FOXK2: variants seen among roughly 807,000 people sequenced by gnomAD.
FOXK2 encodes the protein forkhead box K2, also known as forkhead box protein K2.
Under a neutral mutation model 53.3 loss-of-function variants are expected in FOXK2, and 24 were observed. The observed-to-expected ratio is 0.45, with a 90% CI of 0.33 to 0.63. The LOEUF is 0.63. FOXK2 is among the 30% of genes least tolerant of loss of function. FOXK2 has a pLI of 0.03. For missense variants in FOXK2, 952 were observed against 910.5 expected (o/e 1.05, Z -0.59); for synonymous variants, 505 against 407.1 (o/e 1.24, Z -2.89).
chr17:82,548,828 T>G (rs2044650680), intron 1 of FOXK2, among the ~76,000 whole-genome samples: 4 of 152,112 alleles, frequency 2.6e-5, no homozygotes, highest in African/African-American at 9.7e-5. Flanking sequence ...GTGAATGTCA[T>G]TTGGGCGGGT....
At position 82,539,682 on chromosome 17, in the gene FOXK2, G is replaced by T. The variant is rs114358588; in HGVS notation, c.419+19375G>T. Among the ~76,000 whole-genome samples, 793 of 139,966 alleles carry T rather than the reference G, an allele frequency of 5.7e-3. 5 individuals carry two copies. Among genetic ancestry groups the T allele is most frequent in the African/African-American group, 0.02 (757 of 37,976 alleles). The allele number at this position is 139,966 out of a possible 152,430, so 91.8% of individuals were successfully genotyped here. Reference sequence around the variant, plus strand: ...AATTAATTAAAAAATATATGTAAATGGGCCGGGCATGGTGGCTCACGCCTG... The same window carrying T: ...AATTAATTAAAAAATATATGTAAATTGGCCGGGCATGGTGGCTCACGCCTG... On this transcript the variant is annotated intron_variant, in intron 1 of 8. Coordinates refer to ENST00000335255, the MANE Select transcript of FOXK2 (RefSeq NM_004514.4).
intron 1 of FOXK2, among the ~76,000 whole-genome samples, chr17:82,530,281 G>A (rs1171043875): frequency 1.3e-5 from 2 of 151,814 alleles, no homozygotes; most frequent in South Asian, 2.1e-4. Context: ...TCCTGAGATC[G>A]GGAGTTCGAG....
intron 1 of FOXK2, among the ~76,000 whole-genome samples, chr17:82,531,673 G>A (rs2044473002): frequency 6.6e-6 from 1 of 152,064 alleles, no homozygotes; most frequent in Admixed American, 6.6e-5. Context: ...ACATAGAAAA[G>A]GCACAGTAAA....
At chr17:82,577,297 C>A in intron 4 of FOXK2, 1 of 1,126,116 alleles carries the variant, frequency 8.9e-7, no homozygotes. Context: ...ACTCGTTATC[C>A]ATGATAACGT....
chr17:82,523,537 A>T (rs963716738), intron 1 of FOXK2, among the ~76,000 whole-genome samples: 1 of 149,870 alleles, frequency 6.7e-6, no homozygotes, highest in Non-Finnish European at 1.5e-5. Flanking sequence ...CAATGGTATG[A>T]TCTCGGCTCA....
intron 1 of FOXK2, among the ~76,000 whole-genome samples, chr17:82,544,197 G>GA (rs2044601076): frequency 1.3e-5 from 2 of 152,312 alleles, no homozygotes; most frequent in East Asian, 1.9e-4. Context: ...ATAGGCGTGA[G>GA]CCACTGCGCC....
At chr17:82,574,611 C>T (rs982448015) in intron 4 of FOXK2, among the ~76,000 whole-genome samples, 2 of 152,164 alleles carry the variant, frequency 1.3e-5, no homozygotes, top group East Asian at 1.9e-4. Flanking sequence ...TGAGCCACCG[C>T]GCCTGGCCAA....
chr17:82,577,162 CAAAAAAAGAAAAAG>C (rs2044997829), intron 4 of FOXK2: 1 of 888,716 alleles, frequency 1.1e-6, no homozygotes, highest in African/African-American at 1.7e-5. Flanking sequence ...AACTCCGTCT[CAAAAAAAGAAAAAG>C]AAAAAAAGAA....
At chr17:82,583,659 A>C (rs115588046) in intron 5 of FOXK2, among the ~76,000 whole-genome samples, 105,593 of 151,348 alleles carry the variant, frequency 0.7, 37,004 homozygotes, top group South Asian at 0.82. Flanking sequence ...GTTTTTAACA[A>C]AAAAAAAAAT....
chr17:82,601,539 G>A lies in FOXK2; in HGVS notation c.*40G>A. The A allele has an allele frequency of 6.4e-7, 1 of 1,553,586 alleles. No individual in the cohort carries two copies. Among genetic ancestry groups the A allele is most frequent in the South Asian group, 1.2e-5 (1 of 84,980 alleles). ...TTTCTTTAACGATATCAACTCTGTG[G>A]TGCCAAAAGGAGACGCGGCCTCCCG... On this transcript the variant is annotated 3_prime_UTR_variant, in exon 9 of 9. Transcript: ENST00000335255.
intron 4 of FOXK2, among the ~76,000 whole-genome samples, chr17:82,577,674 A>G (rs894611913): frequency 6.6e-6 from 1 of 152,114 alleles, no homozygotes; most frequent in Non-Finnish European, 1.5e-5. Flanking sequence ...GACTATGAGA[A>G]GTTTGAAAGG....
At position 82,563,469 on chromosome 17, in the gene FOXK2, A is replaced by G. The variant is rs769153791; in HGVS notation, c.535A>G (p.Ile179Val). Residue 179 changes from isoleucine (I) to valine (V), a missense_variant, in exon 2 of 9, where the codon ATC becomes GTC. By Grantham distance (29) the Ile-to-Val change is conservative (BLOSUM62 3). Around this residue, in one of 5 missense-constraint regions of FOXK2, gnomAD observed 76 missense variants for 128.2 expected, o/e 0.59. Coordinates refer to ENST00000335255, the MANE Select transcript of FOXK2 (RefSeq NM_004514.4). ...TCCAGTGAAGGCCGTACAGCCACAC[A>G]TCTCGCCCCTGACCATCAACATTCC... Reference protein sequence around the residue: ...ESPVKAVQPHISPLTINIPDT... With the variant: ...ESPVKAVQPHVSPLTINIPDT... 6 of 1,614,086 alleles carry G rather than the reference A, an allele frequency of 3.7e-6. No homozygotes were observed. Among genetic ancestry groups the G allele is most frequent in the Non-Finnish European group, 5.1e-6 (6 of 1,180,026 alleles).
intron 8 of FOXK2, among the ~76,000 whole-genome samples, chr17:82,589,205 A>G (rs971011506): frequency 1.3e-5 from 2 of 152,322 alleles, no homozygotes; most frequent in East Asian, 3.9e-4. Context: ...TCAGTGTACT[A>G]CTGGACTCCA....
At chr17:82,548,077 C>T (rs953464748) in intron 1 of FOXK2, among the ~76,000 whole-genome samples, 7 of 152,228 alleles carry the variant, frequency 4.6e-5, no homozygotes, top group African/African-American at 1.2e-4. Context: ...CTGTGCATCA[C>T]GCTGCTGTGA....
At chr17:82,585,814 TTGTA>T in intron 6 of FOXK2, 86 bp from the exon 7 acceptor site, 1 of 1,311,510 alleles carries the variant, frequency 7.6e-7, no homozygotes, top group Non-Finnish European at 1.1e-6. Flanking sequence ...AAATTAAAGT[TTGTA>T]TGTTGCTTGT....
At chr17:82,586,813 A>G (rs1269530471) in intron 7 of FOXK2, among the ~76,000 whole-genome samples, 1 of 152,086 alleles carries the variant, frequency 6.6e-6, no homozygotes. Context: ...AGGCGGGAGA[A>G]TCACTTGAAC....
chr17:82,550,302 C>T lies in FOXK2; in HGVS notation c.420-13052C>T, dbSNP rs143747690. On this transcript the variant is annotated intron_variant, in intron 1 of 8. Coordinates refer to ENST00000335255, the MANE Select transcript of FOXK2 (RefSeq NM_004514.4). Reference sequence around the variant, plus strand: ...TTGACTTCAAGCTTTCCCAGGAATACGTGTCTGAAGCAAGGCACCCCTGTT... The same window carrying T: ...TTGACTTCAAGCTTTCCCAGGAATATGTGTCTGAAGCAAGGCACCCCTGTT... 2.6e-4 allele frequency among the ~76,000 whole-genome samples: 39 copies of T among 152,266 alleles called. No individual in the cohort carries two copies. The East Asian group carries it at 3.5e-3, about 14-fold the overall frequency.
chr17:82,543,774 C>CTTT (rs59720257), intron 1 of FOXK2, among the ~76,000 whole-genome samples: 4 of 112,316 alleles, frequency 3.6e-5, no homozygotes, highest in Admixed American at 9.6e-5. Flanking sequence ...GCATGCTTAG[C>CTTT]TTTTTTTTTT....
At chr17:82,533,146 G>A (rs1339227301) in intron 1 of FOXK2, among the ~76,000 whole-genome samples, 3 of 152,136 alleles carry the variant, frequency 2.0e-5, no homozygotes, top group African/African-American at 7.2e-5. Context: ...CTGTTGTATA[G>A]TTAACTTTTT....
Sources: gnomAD v4.1 joint callset for allele counts (sites outside exome capture counted in the v4.1 genomes callset) on GRCh38, gnomAD v4.1.1 for gene constraint, gnomAD v4.1.1 regional missense constraint, MANE v1.5 for transcripts, NCBI Gene and HGNC (gene_info 2026-07-23, HGNC 2026-07-21) for gene names.